The following EML6 variants were observed in gnomAD, a reference collection of about 807,000 sequenced individuals.
EML6 encodes the protein echinoderm microtubule-associated protein-like 6.
A neutral mutation model predicts 240.1 loss-of-function variants in EML6; 154 were observed. The observed-to-expected ratio is 0.64, with a 90% CI of 0.56 to 0.73. The LOEUF (loss-of-function observed/expected upper bound fraction) is 0.73. Among genes scored for constraint, EML6 ranks in the 30% least tolerant of loss-of-function variants. The probability of loss-of-function intolerance (pLI) is 0.00; values close to 1 mark genes in which losing one functional copy is unlikely to be tolerated. For synonymous variants in EML6, 1,148 were observed against 899.0 expected, an observed-to-expected ratio of 1.28 and a Z score of -4.95; for missense variants, 2,964 against 2,474.6, an observed-to-expected ratio of 1.20 and a Z score of -4.20.
At chr2:54,916,409 G>C (rs1218500113) in intron 25 of EML6, among the ~76,000 whole-genome samples, 2 of 152,178 alleles carry the variant, frequency 1.3e-5, no homozygotes, top group Admixed American at 6.5e-5. Context: ...GAATTTTCCA[G>C]CCTAAGACAT....
intron 24 of EML6, among the ~76,000 whole-genome samples, chr2:54,909,456 T>C (rs984474857): frequency 6.6e-6 from 1 of 152,254 alleles, no homozygotes; most frequent in African/African-American, 2.4e-5. Context: ...CACTGTGTTA[T>C]AATTCACCAA....
intron 2 of EML6, among the ~76,000 whole-genome samples, chr2:54,734,923 G>A (rs148020544): frequency 9.9e-5 from 15 of 152,268 alleles, no homozygotes; most frequent in Non-Finnish European, 2.2e-4. Flanking sequence ...GTTCTCCACG[G>A]TCTATTATGA....
At chr2:54,753,452 C>T (rs796993605) in intron 2 of EML6, among the ~76,000 whole-genome samples, 94 of 152,132 alleles carry the variant, frequency 6.2e-4, no homozygotes, top group African/African-American at 2.2e-3. Flanking sequence ...TCATAAAGGT[C>T]CTTATAAGTG....
intron 16 of EML6, among the ~76,000 whole-genome samples, chr2:54,876,508 G>A (rs1397787394): frequency 2.0e-5 from 3 of 152,136 alleles, no homozygotes; most frequent in South Asian, 2.1e-4. Context: ...CTCTTACCCC[G>A]GCAAAATCAG....
chr2:54,963,900 G>A (rs1476253739), intron 36 of EML6, 86 bp from the exon 37 acceptor site: 2 of 1,325,592 alleles, frequency 1.5e-6, no homozygotes, highest in African/African-American at 3.0e-5. Flanking sequence ...AGGGCAGCCT[G>A]ACTTCTCTGG....
intron 26 of EML6, among the ~76,000 whole-genome samples, chr2:54,921,000 G>A (rs1166962355): frequency 6.6e-6 from 1 of 151,718 alleles, no homozygotes; most frequent in Non-Finnish European, 1.5e-5. Flanking sequence ...TAGAAGGAAG[G>A]AACTTCAATA....
chr2:54,908,990 T>G (rs928953669), intron 24 of EML6, among the ~76,000 whole-genome samples: 2 of 152,204 alleles, frequency 1.3e-5, no homozygotes, highest in African/African-American at 4.8e-5. Flanking sequence ...GTGTTTAGAT[T>G]CTCGAATATT....
intron 26 of EML6, among the ~76,000 whole-genome samples, chr2:54,926,712 G>T (rs1477731812): frequency 1.3e-5 from 2 of 152,174 alleles, no homozygotes; most frequent in Non-Finnish European, 2.9e-5. Context: ...TGAGAATCTT[G>T]AATCACCCAC....
intron 17 of EML6, among the ~76,000 whole-genome samples, chr2:54,885,119 T>G (rs977238897): frequency 6.6e-6 from 1 of 152,046 alleles, no homozygotes; most frequent in African/African-American, 2.4e-5. Flanking sequence ...ATTGCGCCAC[T>G]GCACTCCAGC....
chr2:54,807,283 AT>A (rs1038603947), intron 2 of EML6, among the ~76,000 whole-genome samples: 19 of 152,172 alleles, frequency 1.2e-4, no homozygotes, highest in African/African-American at 1.9e-4. Flanking sequence ...TATGTTTTAC[AT>A]TTTCCTTATT....
At chr2:54,796,769 A>G (rs1235918265) in intron 2 of EML6, among the ~76,000 whole-genome samples, 1 of 152,074 alleles carries the variant, frequency 6.6e-6, no homozygotes, top group Non-Finnish European at 1.5e-5. Context: ...GTGGTAACAT[A>G]AGTGAATGCA....
intron 13 of EML6, 118 bp downstream of exon 13, chr2:54,864,007 G>A: frequency 1.7e-6 from 1 of 594,598 alleles, no homozygotes. Context: ...GCAAAAACAA[G>A]AAAAATAGTC....
intron 17 of EML6, among the ~76,000 whole-genome samples, chr2:54,889,779 A>ATTAGTT (rs1558654534): frequency 6.6e-6 from 1 of 152,122 alleles, no homozygotes; most frequent in African/African-American, 2.4e-5. Context: ...CTCTAGTTGC[A>ATTAGTT]TTAGTTTATA....
intron 2 of EML6, among the ~76,000 whole-genome samples, chr2:54,785,622 C>T (rs1047002647): frequency 6.6e-6 from 1 of 152,084 alleles, no homozygotes; most frequent in Non-Finnish European, 1.5e-5. Flanking sequence ...ACATTTATCT[C>T]GACTGTGAAT....
intron 38 of EML6, among the ~76,000 whole-genome samples, chr2:54,965,455 CAG>C (rs1219970566): frequency 1.3e-5 from 2 of 152,178 alleles, no homozygotes; most frequent in African/African-American, 4.8e-5. Flanking sequence ...TTTCTCAAGA[CAG>C]GGGAATTGCA....
chr2:54,838,145 A>ACT (rs1669249969), intron 7 of EML6, among the ~76,000 whole-genome samples: 1 of 152,102 alleles, frequency 6.6e-6, no homozygotes, highest in Non-Finnish European at 1.5e-5. Context: ...AGTAACTAAG[A>ACT]CTCTAGGAAA....
intron 2 of EML6, among the ~76,000 whole-genome samples, chr2:54,738,202 T>C (rs536596696): frequency 6.6e-6 from 1 of 152,326 alleles, no homozygotes; most frequent in East Asian, 1.9e-4. Context: ...CTGCTCTGCC[T>C]ACAGTTCTCA....
intron 26 of EML6, among the ~76,000 whole-genome samples, chr2:54,917,266 ACAC>A (rs1331232963): frequency 3.3e-5 from 5 of 151,916 alleles, no homozygotes; most frequent in Non-Finnish European, 5.9e-5. Context: ...ACTTAATATC[ACAC>A]AGCACCCCAA....
intron 12 of EML6, among the ~76,000 whole-genome samples, chr2:54,862,738 A>G (rs1003833888): frequency 6.6e-6 from 1 of 152,226 alleles, no homozygotes; most frequent in Non-Finnish European, 1.5e-5. Flanking sequence ...TCAAAAGTTA[A>G]AGGCAGAGCA....
Sources: gnomAD v4.1 joint callset for allele counts (sites outside exome capture counted in the v4.1 genomes callset) on GRCh38, gnomAD v4.1.1 for gene constraint, MANE v1.5 for transcripts, NCBI Gene and HGNC (gene_info 2026-07-23, HGNC 2026-07-21) for gene names.